The following LY75 variants were observed in gnomAD, a reference collection of about 807,000 sequenced individuals.
LY75 encodes the protein lymphocyte antigen 75.
A neutral mutation model predicts 231.7 loss-of-function variants in LY75; 185 were observed. That is an observed-to-expected ratio of 0.80 (90% CI 0.71 to 0.90). LY75 has a LOEUF of 0.90. LY75 is among the 40% of genes least tolerant of loss of function. The pLI, the probability that LY75 is intolerant of heterozygous loss-of-function variation, is 0.00. For missense variants in LY75, 1,947 were observed against 2,050.2 expected (o/e 0.95, Z 0.97); for synonymous variants, 668 against 689.0 (o/e 0.97, Z 0.48).
chr2:159,862,170 A>C (rs1440321188), intron 14 of LY75, among the ~76,000 whole-genome samples: 1 of 151,848 alleles, frequency 6.6e-6, no homozygotes, highest in Non-Finnish European at 1.5e-5. Flanking sequence ...CACATGCCTG[A>C]AGTCCCAGCC....
rs766644805 is a variant in LY75 at position 159,803,572 on chromosome 2, T to G, written c.*1472A>C. ...ACTGTCTTAGAAAATTATTTACAAC[T>G]TTATCATAGTGTAAATACTCTAAAT... is the stretch of plus-strand genomic sequence containing the variant. On this transcript the variant is annotated 3_prime_UTR_variant, in exon 35 of 35. Coordinates refer to ENST00000263636, the MANE Select transcript of LY75 (RefSeq NM_002349.4). 7.9e-5 allele frequency: 12 copies of G among 152,192 alleles called. No individual in the cohort carries two copies. Among genetic ancestry groups the G allele is most frequent in the Non-Finnish European group, 1.2e-4 (8 of 68,034 alleles). The allele number at this position is 152,192 out of a possible 1,614,324, so 9.4% of individuals were successfully genotyped here. A position where few individuals can be genotyped will look rare whatever the true frequency, so the allele number is the denominator to read the frequency against.
At chr2:159,815,671 A>G in intron 30 of LY75, 98 bp from the exon 31 acceptor site, 3 of 1,401,086 alleles carry the variant, frequency 2.1e-6, no homozygotes, top group Non-Finnish European at 2.9e-6. Flanking sequence ...TTATAATGGA[A>G]TATTAATTAT....
chr2:159,814,688 G>A (rs1683062696), intron 31 of LY75, among the ~76,000 whole-genome samples: 1 of 147,856 alleles, frequency 6.8e-6, no homozygotes, highest in Non-Finnish European at 1.5e-5. Flanking sequence ...GATAAGAAAA[G>A]AAAAAAGAAA....
At chr2:159,899,109 G>T (rs753693048) in intron 1 of LY75, 50 bp from the exon 2 acceptor site, 1 of 1,573,586 alleles carries the variant, frequency 6.4e-7, no homozygotes, top group African/African-American at 1.3e-5. Context: ...GAAGCGCCTT[G>T]CTCCCTGCCT....
chr2:159,833,405 G>A (rs1344631), intron 27 of LY75, among the ~76,000 whole-genome samples: 66,857 of 152,066 alleles, frequency 0.44, 16,727 homozygotes, highest in Non-Finnish European at 0.57. Flanking sequence ...GCATGAGCCA[G>A]TGTGCCTAGC....
intron 25 of LY75, among the ~76,000 whole-genome samples, chr2:159,838,205 C>G (rs760230551): frequency 2.6e-5 from 4 of 152,190 alleles, no homozygotes; most frequent in Non-Finnish European, 5.9e-5. Flanking sequence ...TAAAATCTTT[C>G]AATATCTTCT....
At position 159,875,745 on chromosome 2, in the gene LY75, T is replaced by TA. The variant is rs901066203; in HGVS notation, c.1775-103dup. On this transcript the variant is annotated intron_variant, in intron 11 of 34. Transcript: ENST00000263636. The stretch of plus-strand genomic sequence containing the variant: ...CTTCAGCCAAGTTGGGGAGAGAGAA[T>TA]AAAAAAAAAATGGAACAAAGAGAGG... The TA allele has an allele frequency of 4.8e-3, 5,863 of 1,233,686 alleles. 1 individual carries two copies. Among genetic ancestry groups the TA allele is most frequent in the Non-Finnish European group, 5.2e-3 (4,797 of 924,974 alleles). 76.4% of individuals were successfully genotyped at this position (1,233,686 alleles called of 1,614,324 possible). A position where few individuals can be genotyped will look rare whatever the true frequency, so the allele number is the denominator to read the frequency against.
intron 17 of LY75, 39 bp from the exon 18 acceptor site, chr2:159,854,574 G>T: frequency 6.3e-7 from 1 of 1,599,314 alleles, no homozygotes; most frequent in Non-Finnish European, 8.5e-7. Flanking sequence ...TTATGACTAT[G>T]CAAAGCAAAC....
rs184580105 is a variant in LY75, at chr2:159,850,800, T to A, written c.2884-333A>T. ...TATATATATATATATATATATATAT[T>A]ATATCTTATATATAAGATATATATT... On this transcript the variant is annotated intron_variant, in intron 21 of 34. Coordinates refer to ENST00000263636, the MANE Select transcript of LY75 (RefSeq NM_002349.4). Among the ~76,000 whole-genome samples, 521 of 59,364 alleles carry A rather than the reference T, an allele frequency of 8.8e-3. 12 individuals are homozygous for A. Among genetic ancestry groups the A allele is most frequent in the Non-Finnish European group, 0.011 (325 of 28,786 alleles). 38.9% of individuals were successfully genotyped at this position (59,364 alleles called of 152,430 possible).
Position 159,840,873 on chromosome 2 carries a change from A to T in LY75, c.3363T>A (p.Thr1121=). The T allele has an allele frequency of 6.2e-7, 1 of 1,614,060 alleles. No homozygotes were observed. Among genetic ancestry groups the T allele is most frequent in the African/African-American group, 1.3e-5 (1 of 75,026 alleles). ...LNNLYKIIPK[T]LTWHSAKREC... ...CCCTTTTAGCACTGTGCCAAGTCAGAGTCTTTGGGATTATTTTGTACAGAT... is the reference window on the plus strand; with the variant it reads ...CCCTTTTAGCACTGTGCCAAGTCAGTGTCTTTGGGATTATTTTGTACAGAT... Residue 1121 remains threonine, a synonymous_variant, in exon 25 of 35, where the codon ACT becomes ACA. Transcript: ENST00000263636.
Position 159,898,929 on chromosome 2 carries a change from G to A in LY75, c.225C>T (p.Leu75=). The change falls in exon 2 of 35, where the codon CTC becomes CTT. Residue 75 remains leucine (L), a synonymous_variant. Transcript: ENST00000263636. ...GGCACTTTTGGGAGTGCAAATGAAA[G>A]AGCCGATGCTGGGACACCCACTTCC... ...KLWKWVSQHR[L]FHLHSQKCLG... The A allele has an allele frequency of 1.2e-6, 2 of 1,614,242 alleles. No homozygotes were observed. Among genetic ancestry groups the A allele is most frequent in the Middle Eastern group, 1.6e-4 (1 of 6,062 alleles).
intron 33 of LY75, 93 bp downstream of exon 33, chr2:159,808,356 G>A (rs1682850834): frequency 3.8e-6 from 6 of 1,597,362 alleles, no homozygotes; most frequent in African/African-American, 2.7e-5. Flanking sequence ...ATCTGAATTA[G>A]CCACTACTTA....
chr2:159,850,170 T>C, intron 22 of LY75, 30 bp from the exon 23 acceptor site: 1 of 1,582,284 alleles, frequency 6.3e-7, no homozygotes, highest in South Asian at 1.2e-5. Flanking sequence ...AAAAAGCATT[T>C]GATTTATTCA....
intron 2 of LY75, among the ~76,000 whole-genome samples, chr2:159,896,613 C>T (rs889485710): frequency 3.0e-4 from 45 of 152,054 alleles, no homozygotes; most frequent in African/African-American, 8.7e-4. Flanking sequence ...AGTCTGAGAG[C>T]GGAGTCCTAG....
At chr2:159,873,729 CACATAAATATATACATTTTGTAAAAATAT>C (rs1342256404) in intron 12 of LY75, among the ~76,000 whole-genome samples, 8,511 of 146,606 alleles carry the variant, frequency 0.058, 545 homozygotes, top group African/African-American at 0.15. Context: ...AATAAAAATA[CACATAAATATATACATTTTGTAAAAATAT>C]ACATAAATAT....
Position 159,815,438 on chromosome 2 carries a change from T to C in LY75, c.4516A>G (p.Lys1506Glu), listed in dbSNP as rs751343272. The C allele has an allele frequency of 6.2e-7, 1 of 1,612,766 alleles. No individual in the cohort carries two copies. The highest frequency in any genetic ancestry group is 1.1e-5 in the South Asian group (1 of 90,876). ...TWKHEKCNSV[K>E]DGAICYKPTK... ...GGTTTATAACAAATAGCACCATCCT[T>C]AACAGAGTTGCATTTTTCATGTTTC... Residue 1506 changes from lysine to glutamate, a missense_variant, in exon 31 of 35, where the codon AAG (lysine) becomes GAG (glutamate). Lys to Glu is a moderately conservative substitution (Grantham distance 56). Transcript: ENST00000263636.
intron 23 of LY75, among the ~76,000 whole-genome samples, chr2:159,846,005 C>A (rs1684191870): frequency 6.6e-6 from 1 of 151,150 alleles, no homozygotes; most frequent in African/African-American, 2.4e-5. Flanking sequence ...GCTGTGTTGC[C>A]CAGGCTGGTC....
At chr2:159,836,805 C>T (rs1292796218) in intron 25 of LY75, among the ~76,000 whole-genome samples, 5 of 152,234 alleles carry the variant, frequency 3.3e-5, no homozygotes, top group Non-Finnish European at 7.3e-5. Flanking sequence ...GGCCATGCGA[C>T]TTTGCCTGCA....
chr2:159,824,535 C>T (rs1683400340), intron 28 of LY75, among the ~76,000 whole-genome samples: 1 of 152,130 alleles, frequency 6.6e-6, no homozygotes, highest in African/African-American at 2.4e-5. Flanking sequence ...TTTAACACCC[C>T]ACTGTCAATA....
Sources: allele counts gnomAD v4.1 joint callset (sites outside exome capture counted in the v4.1 genomes callset), GRCh38; gene constraint gnomAD v4.1.1; transcripts MANE v1.5; gene names NCBI Gene and HGNC (gene_info 2026-07-23, HGNC 2026-07-21).